The following CAPN9 variants were observed in gnomAD, a reference collection of about 807,000 sequenced individuals.
CAPN9 encodes the protein calpain 9, also known as calpain-9.
A neutral mutation model predicts 92.8 loss-of-function variants in CAPN9; 81 were observed. The ratio of observed to expected loss-of-function variants is 0.87; its 90% CI spans 0.73 to 1.05. The LOEUF is 1.05. Among genes scored for constraint, CAPN9 ranks in the 50% least tolerant of loss-of-function variants. The pLI is 0.00. For missense variants in CAPN9, 848 were observed against 866.2 expected (o/e 0.98, Z 0.26); for synonymous variants, 304 against 328.0 (o/e 0.93, Z 0.79).
rs1281477559 is a variant in CAPN9, at chr1:230,747,456, C to A, written c.-41C>A. The A allele has an allele frequency of 6.5e-7, 1 of 1,545,572 alleles. No homozygotes were observed. The highest frequency in any genetic ancestry group is 2.2e-5 in the East Asian group (1 of 44,562). ...CAGCTCGCTTCTTCACTTTCTTTTC[C>A]ATCCACTGCCGGACCCAAGCCAGCC... On this transcript the variant is annotated 5_prime_UTR_variant, in exon 1 of 20. Coordinates refer to ENST00000271971, the MANE Select transcript of CAPN9 (RefSeq NM_006615.3).
chr1:230,747,730 A>T, intron 1 of CAPN9, 21 bp downstream of exon 1: 3 of 1,610,586 alleles, frequency 1.9e-6, no homozygotes, highest in Non-Finnish European at 2.5e-6. Context: ...CGAGCAGGGG[A>T]AGGAGCATAG....
chr1:230,774,432 C>A, intron 7 of CAPN9, 122 bp from the exon 8 acceptor site: 1 of 692,302 alleles, frequency 1.4e-6, no homozygotes, highest in Non-Finnish European at 2.6e-6. Flanking sequence ...TTTTGGGACC[C>A]AGTGAGTAGT....
chr1:230,786,083 A>T, intron 12 of CAPN9, 66 bp downstream of exon 12: 1 of 1,608,856 alleles, frequency 6.2e-7, no homozygotes, highest in East Asian at 2.2e-5. Context: ...CTTCCTTCTA[A>T]TCACAGCATC....
chr1:230,787,417 G>A (rs2102916663), intron 12 of CAPN9, 105 bp from the exon 13 acceptor site: 2 of 865,668 alleles, frequency 2.3e-6, no homozygotes, highest in Non-Finnish European at 3.7e-6. Flanking sequence ...CCTCAGGAGG[G>A]TGACATGGGG....
At chr1:230,764,291 CAAAG>C (rs1665827714) in intron 4 of CAPN9, among the ~76,000 whole-genome samples, 1 of 152,160 alleles carries the variant, frequency 6.6e-6, no homozygotes, top group South Asian at 2.1e-4. Context: ...AAGAAAATGA[CAAAG>C]GAAGGGTGAA....
intron 11 of CAPN9, among the ~76,000 whole-genome samples, chr1:230,785,611 T>G (rs1002160360): frequency 1.3e-5 from 2 of 152,192 alleles, no homozygotes; most frequent in African/African-American, 4.8e-5. Flanking sequence ...GCAATAATTG[T>G]AAGTTTCCTG....
rs766407537 is a variant in CAPN9, at chr1:230,769,144, G to C, written c.706-36G>C. On this transcript the variant is annotated intron_variant, in intron 5 of 19. Coordinates refer to ENST00000271971, the MANE Select transcript of CAPN9 (RefSeq NM_006615.3). ...GATCCAGCAGGGGAGGCTTGACTTA[G>C]ACGGTGGGTGTGACTCTGCTCTTTC... 4.5e-6 allele frequency: 7 copies of C among 1,557,254 alleles called. No individual in the cohort carries two copies. In the South Asian group the frequency reaches 5.6e-5, roughly 12 times the overall value.
rs1489040614 is a variant in CAPN9 at position 230,774,777 on chromosome 1, T to C, written c.953+146T>C. ...TTTTTTTGAGACGGAGTTTTGTTCTTATTGCCCAGGCTGGAGTGCAGTGGT... is the reference window on the plus strand; with the variant it reads ...TTTTTTTGAGACGGAGTTTTGTTCTCATTGCCCAGGCTGGAGTGCAGTGGT... On this transcript the variant is annotated intron_variant, in intron 8 of 19. Transcript: ENST00000271971. 3 of 624,178 alleles carry C rather than the reference T, an allele frequency of 4.8e-6. No individual in the cohort carries two copies. In the African/African-American group the frequency reaches 5.7e-5, roughly 12 times the overall value. 38.7% of individuals were successfully genotyped at this position (624,178 alleles called of 1,614,324 possible).
intron 1 of CAPN9, 90 bp from the exon 2 acceptor site, chr1:230,755,247 C>A: frequency 5.8e-6 from 6 of 1,033,654 alleles, no homozygotes; most frequent in Non-Finnish European, 7.4e-6. Flanking sequence ...AGCCCTCTGC[C>A]CCAAGAAAGC....
intron 11 of CAPN9, among the ~76,000 whole-genome samples, chr1:230,784,357 G>A (rs1299388789): frequency 1.3e-5 from 2 of 152,182 alleles, no homozygotes; most frequent in Non-Finnish European, 1.5e-5. Flanking sequence ...TGGGGAAAAG[G>A]CCTCAAAGGC....
chr1:230,757,991 G>A (rs112606297), intron 2 of CAPN9, among the ~76,000 whole-genome samples: 3 of 152,102 alleles, frequency 2.0e-5, no homozygotes, highest in African/African-American at 7.2e-5. Flanking sequence ...CCAGATAGCC[G>A]AGCAACACGC....
At chr1:230,792,783 AT>A in intron 16 of CAPN9, 66 bp from the exon 17 acceptor site, 1 of 1,364,304 alleles carries the variant, frequency 7.3e-7, no homozygotes. Flanking sequence ...GCTGTCACCC[AT>A]TTACTGCCAT....
At chr1:230,776,141 A>G (rs1188903544) in intron 8 of CAPN9, 1 of 152,164 alleles carries the variant, frequency 6.6e-6, no homozygotes, top group Non-Finnish European at 1.5e-5. Flanking sequence ...GTCCAAGAAG[A>G]TGACACAGGC....
chr1:230,792,368 C>T, intron 15 of CAPN9, 58 bp from the exon 16 acceptor site: 1 of 1,475,840 alleles, frequency 6.8e-7, no homozygotes, highest in Non-Finnish European at 9.5e-7. Flanking sequence ...AGCTGAGGTC[C>T]CACGAGGAGC....
At position 230,747,419 on chromosome 1, in the gene CAPN9, G is replaced by C; in HGVS notation, c.-78G>C. 7.7e-7 allele frequency: 1 copy of C among 1,301,836 alleles called. No individual in the cohort carries two copies. Among genetic ancestry groups the C allele is most frequent in the Non-Finnish European group, 1.1e-6 (1 of 898,898 alleles). The allele number at this position is 1,301,836 out of a possible 1,614,324, so 80.6% of individuals were successfully genotyped here. On this transcript the variant is annotated 5_prime_UTR_variant, in exon 1 of 20. Coordinates refer to ENST00000271971, the MANE Select transcript of CAPN9 (RefSeq NM_006615.3). ...GTGGCCCTCTGAGCTGTTCCTTCTTGACCGGCACACACAGCTCGCTTCTTC... is the reference window on the plus strand; with the variant it reads ...GTGGCCCTCTGAGCTGTTCCTTCTTCACCGGCACACACAGCTCGCTTCTTC...
intron 14 of CAPN9, among the ~76,000 whole-genome samples, chr1:230,790,556 G>A (rs1667912933): frequency 6.6e-6 from 1 of 152,056 alleles, no homozygotes; most frequent in Non-Finnish European, 1.5e-5. Flanking sequence ...CATTAACAGT[G>A]TTAACCCTGT....
At chr1:230,792,360 CTG>C in intron 15 of CAPN9, 64 bp from the exon 16 acceptor site, 1 of 1,386,500 alleles carries the variant, frequency 7.2e-7, no homozygotes, top group Non-Finnish European at 1.0e-6. Context: ...AGTCCCAGAG[CTG>C]AGGTCCCACG....
chr1:230,765,225 A>G (rs1215862133), intron 4 of CAPN9, among the ~76,000 whole-genome samples: 4 of 122,188 alleles, frequency 3.3e-5, no homozygotes, highest in Non-Finnish European at 7.2e-5. Flanking sequence ...ACACACACAC[A>G]CACACACACA....
chr1:230,762,664 C>G lies in CAPN9; in HGVS notation c.414C>G (p.His138Gln), dbSNP rs756630561. The change falls in exon 4 of 20, where the codon CAC becomes CAG. Residue 138 changes from histidine to glutamine, a missense_variant. His to Gln is a conservative substitution (Grantham distance 24, BLOSUM62 0). Coordinates refer to ENST00000271971, the MANE Select transcript of CAPN9 (RefSeq NM_006615.3). ...TTCCTGGGCAACAGTTCTGGCAGCA[C>G]AGTGAGTGGCTGGACGTGGTGATCG... The part of the protein sequence containing the change: ...AGIFHFQFWQ[H>Q]SEWLDVVIDD... 4 of 1,614,064 alleles carry G rather than the reference C, an allele frequency of 2.5e-6. No individual in the cohort carries two copies. The South Asian group carries it at 4.4e-5, about 18-fold the overall frequency.
Sources: allele counts gnomAD v4.1 joint callset (sites outside exome capture counted in the v4.1 genomes callset), GRCh38; gene constraint gnomAD v4.1.1; transcripts MANE v1.5; gene names NCBI Gene and HGNC (gene_info 2026-07-23, HGNC 2026-07-21).